ASPH: variants seen among roughly 807,000 people sequenced by gnomAD.
ASPH encodes the protein aspartate beta-hydroxylase.
In ASPH, 100 loss-of-function variants were observed where a neutral mutation model predicts 118.4. The ratio of observed to expected loss-of-function variants is 0.84; its 90% confidence interval spans 0.72 to 1.00. The LOEUF is 1.00. Among genes scored for constraint, ASPH ranks in the 50% least tolerant of loss-of-function variants. The pLI, the probability that ASPH is intolerant of heterozygous loss-of-function variation, is 0.00. For missense variants in ASPH, 920 were observed against 919.5 expected, an observed-to-expected ratio of 1.00 and a Z score of -0.01; for synonymous variants, 315 against 325.6, an observed-to-expected ratio of 0.97 and a Z score of 0.35.
intron 21 of ASPH, among the ~76,000 whole-genome samples, chr8:61,526,725 C>A (rs1251294483): frequency 2.0e-5 from 3 of 152,130 alleles, no homozygotes; most frequent in Non-Finnish European, 4.4e-5. Flanking sequence ...TTAGCCCCTG[C>A]CAGAAAGGGA....
chr8:61,501,105 AT>A lies in ASPH; in HGVS notation c.*2253del, dbSNP rs983351002. The A allele has an allele frequency of 6.6e-6, 1 of 152,218 alleles. No individual in the cohort carries two copies. The highest frequency in any genetic ancestry group is 2.4e-5 in the African/African-American group (1 of 41,474). The allele number at this position is 152,218 out of a possible 1,614,324, so 9.4% of individuals were successfully genotyped here. The stretch of plus-strand genomic sequence containing the variant: ...ATCACAATATAAATTAAACTAATTC[AT>A]TTTTGTGTAGACATACGAAATCACA... On this transcript the variant is annotated 3_prime_UTR_variant, in exon 25 of 25. Transcript: ENST00000379454.
chr8:61,677,075 G>A (rs1825765640), intron 3 of ASPH, among the ~76,000 whole-genome samples: 1 of 152,044 alleles, frequency 6.6e-6, no homozygotes, highest in Non-Finnish European at 1.5e-5. Context: ...TTTGCCTACC[G>A]ATATGAAATG....
intron 14 of ASPH, among the ~76,000 whole-genome samples, chr8:61,610,238 T>C (rs926553443): frequency 1.3e-5 from 2 of 152,224 alleles, no homozygotes; most frequent in Non-Finnish European, 2.9e-5. Flanking sequence ...TGTTGTCCTG[T>C]GGTGTGTTTG....
rs960679136 is a variant in ASPH, at chr8:61,501,708, C to T, written c.*1651G>A. The T allele has an allele frequency of 2.6e-5, 4 of 152,164 alleles. No homozygotes were observed. The highest frequency in any genetic ancestry group is 7.2e-5 in the African/African-American group (3 of 41,442). The allele number at this position is 152,164 out of a possible 1,614,324, so 9.4% of individuals were successfully genotyped here. Reference sequence around the variant, plus strand: ...GGATATTTTTCCTCCCATGCCTCTTCATCTGATTTAGTGGGATGTTTTCAA... The same window carrying T: ...GGATATTTTTCCTCCCATGCCTCTTTATCTGATTTAGTGGGATGTTTTCAA... On this transcript the variant is annotated 3_prime_UTR_variant, in exon 25 of 25. Coordinates refer to ENST00000379454, the MANE Select transcript of ASPH (RefSeq NM_004318.4).
intron 21 of ASPH, among the ~76,000 whole-genome samples, chr8:61,545,811 T>C (rs773203538): frequency 1.3e-5 from 2 of 152,218 alleles, no homozygotes; most frequent in Non-Finnish European, 2.9e-5. Flanking sequence ...TTTCTGGCTG[T>C]AGGGTTTGAT....
intron 14 of ASPH, among the ~76,000 whole-genome samples, chr8:61,589,904 G>C (rs1840585724): frequency 6.6e-6 from 1 of 152,176 alleles, no homozygotes; most frequent in Admixed American, 6.5e-5. Flanking sequence ...ATCTATTTGG[G>C]AGGGGAGCCT....
intron 16 of ASPH, among the ~76,000 whole-genome samples, chr8:61,570,055 C>A (rs67933413): frequency 6.6e-6 from 1 of 152,040 alleles, no homozygotes; most frequent in Non-Finnish European, 1.5e-5. Flanking sequence ...TGACTTTCGA[C>A]GGGTTTACAC....
intron 2 of ASPH, among the ~76,000 whole-genome samples, chr8:61,683,255 A>G (rs139266703): frequency 2.9e-4 from 44 of 152,214 alleles, no homozygotes; most frequent in African/African-American, 1.0e-3. Flanking sequence ...TGATGGGTAT[A>G]TAAAATGATG....
chr8:61,679,942 T>TAATAAAAAA lies in ASPH; in HGVS notation c.322+1025_322+1026insTTTTTTATT, dbSNP rs1563553724. The stretch of plus-strand genomic sequence containing the variant: ...AACACTAATTCCCAATGGGCAATAA[T>TAATAAAAAA]AAAAAAAAAAAAAAAACAAAAAACA... On this transcript the variant is annotated intron_variant, in intron 3 of 24. Coordinates refer to ENST00000379454, the MANE Select transcript of ASPH (RefSeq NM_004318.4). 5.9e-5 allele frequency among the ~76,000 whole-genome samples: 4 copies of TAATAAAAAA among 67,752 alleles called. 1 individual carries two copies. The highest frequency in any genetic ancestry group is 1.3e-4 in the Non-Finnish European group (4 of 30,978). The allele number at this position is 67,752 out of a possible 152,430, so 44.4% of individuals were successfully genotyped here.
chr8:61,551,736 C>T (rs1396573378), intron 20 of ASPH, among the ~76,000 whole-genome samples: 2 of 152,192 alleles, frequency 1.3e-5, no homozygotes, highest in South Asian at 4.1e-4. Flanking sequence ...CAGACATGAA[C>T]ATTTATCCAG....
chr8:61,526,917 A>T (rs1179894501), intron 21 of ASPH, among the ~76,000 whole-genome samples: 1 of 152,226 alleles, frequency 6.6e-6, no homozygotes, highest in Non-Finnish European at 1.5e-5. Flanking sequence ...ATGGATTTCC[A>T]TCAGGAGACA....
intron 5 of ASPH, among the ~76,000 whole-genome samples, chr8:61,649,647 C>T (rs933792322): frequency 6.6e-6 from 1 of 152,098 alleles, no homozygotes; most frequent in Non-Finnish European, 1.5e-5. Flanking sequence ...CTTTTGGCTG[C>T]CTGCCCACCC....
chr8:61,579,443 C>T, intron 15 of ASPH: 2 of 1,610,178 alleles, frequency 1.2e-6, no homozygotes, highest in Admixed American at 1.7e-5. Flanking sequence ...GGATGCAGAA[C>T]ATGAGTATTC....
intron 15 of ASPH, among the ~76,000 whole-genome samples, chr8:61,580,211 T>C (rs1837046285): frequency 6.6e-6 from 1 of 152,216 alleles, no homozygotes; most frequent in African/African-American, 2.4e-5. Context: ...GGATCTACCA[T>C]TCTGGGGCCT....
chr8:61,625,803 T>G, intron 13 of ASPH: 1 of 986,726 alleles, frequency 1.0e-6, no homozygotes, highest in Non-Finnish European at 1.2e-6. Context: ...TTTTTAAGAG[T>G]GCTAACACAA....
At chr8:61,512,395 G>A (rs927552935) in intron 24 of ASPH, among the ~76,000 whole-genome samples, 1 of 152,210 alleles carries the variant, frequency 6.6e-6, no homozygotes, top group Non-Finnish European at 1.5e-5. Flanking sequence ...AGAAAGCAAT[G>A]TGAACACAGA....
chr8:61,579,148 T>G, intron 15 of ASPH: 1 of 1,611,904 alleles, frequency 6.2e-7, no homozygotes, highest in Non-Finnish European at 8.5e-7. Flanking sequence ...ATCTCTGAGA[T>G]GAACTGGAAC....
chr8:61,611,197 C>T (rs1034047218), intron 14 of ASPH, among the ~76,000 whole-genome samples: 1 of 152,120 alleles, frequency 6.6e-6, no homozygotes. Context: ...ACAAATCATC[C>T]CCAACTTCAG....
chr8:61,508,469 G>A (rs1807504841), intron 24 of ASPH, among the ~76,000 whole-genome samples: 1 of 152,102 alleles, frequency 6.6e-6, no homozygotes. Flanking sequence ...ATAAAATGGT[G>A]GCAGTGCATA....
Sources: allele counts gnomAD v4.1 joint callset (sites outside exome capture counted in the v4.1 genomes callset), GRCh38; gene constraint gnomAD v4.1.1; transcripts MANE v1.5; gene names NCBI Gene and HGNC (gene_info 2026-07-23, HGNC 2026-07-21).